Variants in ANKS1B observed in about 807,000 individuals in gnomAD.
The protein encoded by ANKS1B is ankyrin repeat and sterile alpha motif domain-containing protein 1B.
ANKS1B carries 36 observed loss-of-function variants against 148.3 expected under a neutral mutation model. The observed-to-expected ratio is 0.24, with a 90% CI of 0.19 to 0.32. The LOEUF is 0.32. Ranked by LOEUF, ANKS1B falls within the 10% of genes least tolerant of loss-of-function variation. ANKS1B has a pLI of 1.00. For synonymous variants in ANKS1B, 542 were observed against 560.8 expected (o/e 0.97, Z 0.47); for missense variants, 1,157 against 1,542.6 (o/e 0.75, Z 4.19).
At chr12:99,473,418 G>T (rs558968892) in intron 10 of ANKS1B, among the ~76,000 whole-genome samples, 1 of 151,826 alleles carries the variant, frequency 6.6e-6, no homozygotes, top group African/African-American at 2.4e-5. Context: ...GTGAATATCC[G>T]TGAGAGACTT....
At chr12:99,314,649 C>CA (rs1191658808) in intron 12 of ANKS1B, among the ~76,000 whole-genome samples, 10 of 151,280 alleles carry the variant, frequency 6.6e-5, no homozygotes, top group East Asian at 1.9e-4. Flanking sequence ...ACAAGCCTGA[C>CA]AAAAAAAAGC....
At chr12:99,643,106 TGGG>T (rs889963491) in intron 9 of ANKS1B, among the ~76,000 whole-genome samples, 1 of 152,236 alleles carries the variant, frequency 6.6e-6, no homozygotes, top group Non-Finnish European at 1.5e-5. Flanking sequence ...TTTAGACATT[TGGG>T]GAGGAGCATT....
chr12:99,252,114 C>T (rs2074679440), intron 12 of ANKS1B, among the ~76,000 whole-genome samples: 1 of 152,158 alleles, frequency 6.6e-6, no homozygotes. Flanking sequence ...CAGGAGCTGA[C>T]ATTGAGCAGA....
chr12:99,950,805 T>C (rs550080277), intron 1 of ANKS1B, among the ~76,000 whole-genome samples: 34 of 152,302 alleles, frequency 2.2e-4, no homozygotes, highest in African/African-American at 7.7e-4. Flanking sequence ...CAGTTGCTTT[T>C]CTGGAACTTC....
chr12:99,444,613 A>G (rs1436717476), intron 10 of ANKS1B, among the ~76,000 whole-genome samples: 1 of 152,036 alleles, frequency 6.6e-6, no homozygotes, highest in Non-Finnish European at 1.5e-5. Flanking sequence ...AAATTATTCT[A>G]TAAATAACTT....
intron 25 of ANKS1B, among the ~76,000 whole-genome samples, chr12:98,762,136 C>G (rs192677993): frequency 1.2e-4 from 18 of 152,270 alleles, no homozygotes; most frequent in African/African-American, 3.6e-4. Flanking sequence ...CATAAAGTAC[C>G]TTGAGATGTC....
At chr12:99,689,718 T>C (rs1395984655) in intron 8 of ANKS1B, among the ~76,000 whole-genome samples, 4 of 152,144 alleles carry the variant, frequency 2.6e-5, no homozygotes, top group East Asian at 3.9e-4. Context: ...GTGGCTAGAA[T>C]CTGAGACCAG....
chr12:99,947,836 C>G (rs892015779), intron 1 of ANKS1B, among the ~76,000 whole-genome samples: 1 of 152,154 alleles, frequency 6.6e-6, no homozygotes, highest in African/African-American at 2.4e-5. Context: ...CATTTCCTTG[C>G]TGGCTATTGG....
intron 8 of ANKS1B, among the ~76,000 whole-genome samples, chr12:99,735,380 GA>G (rs1385979376): frequency 6.6e-6 from 1 of 151,640 alleles, no homozygotes. Flanking sequence ...GACTAACCAA[GA>G]AAAAAAGAGA....
chr12:99,049,847 C>T (rs139268759), intron 17 of ANKS1B, among the ~76,000 whole-genome samples: 3 of 152,286 alleles, frequency 2.0e-5, no homozygotes, highest in African/African-American at 4.8e-5. Context: ...ACCACTGACG[C>T]TGAAGTTATT....
intron 9 of ANKS1B, chr12:99,650,121 G>C (rs751350548): frequency 2.0e-5 from 3 of 152,134 alleles, no homozygotes; most frequent in Non-Finnish European, 4.4e-5. Flanking sequence ...TTTATGATCA[G>C]GCTCTGAAAA....
chr12:99,761,978 C>T (rs1278762147), intron 8 of ANKS1B, among the ~76,000 whole-genome samples: 2 of 151,868 alleles, frequency 1.3e-5, no homozygotes, highest in Non-Finnish European at 2.9e-5. Context: ...CCAAGGAATA[C>T]AGCTAACCAG....
chr12:98,746,591 A>G (rs994925227), intron 26 of ANKS1B, among the ~76,000 whole-genome samples: 3 of 152,122 alleles, frequency 2.0e-5, no homozygotes, highest in East Asian at 1.9e-4. Flanking sequence ...GCGTCATCAC[A>G]TATTTATTTG....
chr12:99,969,082 A>G (rs1047903834), intron 1 of ANKS1B, among the ~76,000 whole-genome samples: 10 of 152,224 alleles, frequency 6.6e-5, no homozygotes, highest in Admixed American at 3.3e-4. Context: ...ATCTGGAAAC[A>G]TGGGATGGAC....
intron 19 of ANKS1B, among the ~76,000 whole-genome samples, chr12:98,826,930 A>C (rs935949444): frequency 7.2e-5 from 11 of 152,362 alleles, no homozygotes; most frequent in African/African-American, 2.6e-4. Context: ...TTAAAAAAGT[A>C]TATAAATTTC....
intron 9 of ANKS1B, among the ~76,000 whole-genome samples, chr12:99,565,094 C>T (rs369778237): frequency 6.6e-5 from 10 of 152,224 alleles, no homozygotes; most frequent in African/African-American, 2.4e-4. Context: ...TAAAGAATTA[C>T]AAAAATTAAT....
chr12:99,027,407 C>T (rs189497820), intron 17 of ANKS1B, among the ~76,000 whole-genome samples: 1 of 152,250 alleles, frequency 6.6e-6, no homozygotes, highest in East Asian at 1.9e-4. Context: ...TATCTGAGGG[C>T]CTACCATGTG....
Position 99,806,557 on chromosome 12 carries a change from T to A in ANKS1B, c.516A>T (p.Gly172=). 6.2e-7 allele frequency: 1 copy of A among 1,613,914 alleles called. No individual in the cohort carries two copies. Among genetic ancestry groups the A allele is most frequent in the Non-Finnish European group, 8.5e-7 (1 of 1,179,864 alleles). Residue 172 remains glycine, a synonymous_variant, in exon 4 of 27, where the codon GGA becomes GGT. Coordinates refer to ENST00000683438, the MANE Select transcript of ANKS1B (RefSeq NM_001352186.2). ...ETPLDLAALY[G]RLRVVKMIIS... Reference sequence around the variant, plus strand: ...TGATCATTTTTACCACTCTAAGCCGTCCGTAGAGTGCCGCCAAGTCCAAAG... The same window carrying A: ...TGATCATTTTTACCACTCTAAGCCGACCGTAGAGTGCCGCCAAGTCCAAAG...
chr12:99,623,350 C>A (rs2098077093), intron 9 of ANKS1B, among the ~76,000 whole-genome samples: 1 of 151,950 alleles, frequency 6.6e-6, no homozygotes. Context: ...TGGAATCATA[C>A]AATAATGGTC....
Sources: gnomAD v4.1 joint callset for allele counts (sites outside exome capture counted in the v4.1 genomes callset) on GRCh38, gnomAD v4.1.1 for gene constraint, MANE v1.5 for transcripts, NCBI Gene and HGNC (gene_info 2026-07-23, HGNC 2026-07-21) for gene names.